The following SMG6 variants were observed in gnomAD, a reference collection of about 807,000 sequenced individuals.
SMG6 encodes the protein SMG6 nonsense mediated mRNA decay factor.
Under a neutral mutation model 142.2 loss-of-function variants are expected in SMG6, and 66 were observed. That is an observed-to-expected ratio of 0.46 (90% CI 0.38 to 0.57). The LOEUF is 0.57. Ranked by LOEUF, SMG6 falls within the 20% of genes least tolerant of loss-of-function variation. The probability of loss-of-function intolerance (pLI) is 0.00; values close to 1 mark genes in which losing one functional copy is unlikely to be tolerated. For missense variants in SMG6, 1,793 were observed against 1,832.0 expected (o/e 0.98, Z 0.39); for synonymous variants, 779 against 702.4 (o/e 1.11, Z -1.72).
At chr17:2,132,461 G>A (rs1372157959) in intron 13 of SMG6, among the ~76,000 whole-genome samples, 1 of 152,206 alleles carries the variant, frequency 6.6e-6, no homozygotes, top group East Asian at 1.9e-4. Context: ...CTATGGGGAA[G>A]CGGTGTGGGA....
rs552660183 is a variant in SMG6, at chr17:2,206,875, G to A, written c.2870-18360C>T. ...TACACTCCAGCCTGGGCAACAGAGTGAGACACCTTCTCAAATAATAATAAT... is the reference window on the plus strand; with the variant it reads ...TACACTCCAGCCTGGGCAACAGAGTAAGACACCTTCTCAAATAATAATAAT... On this transcript the variant is annotated intron_variant, in intron 10 of 18. Transcript: ENST00000263073. Among the ~76,000 whole-genome samples the A allele has an allele frequency of 1.1e-4, 17 of 150,620 alleles. No homozygotes were observed. In the East Asian group the frequency reaches 3.4e-3, roughly 30 times the overall value.
At position 2,065,584 on chromosome 17, in the gene SMG6, T is replaced by C. The variant is rs2067918725; in HGVS notation, c.3931A>G (p.Ile1311Val). The C allele has an allele frequency of 5.0e-6, 8 of 1,614,012 alleles. No individual in the cohort carries two copies. In the Admixed American group the frequency reaches 8.3e-5, roughly 17 times the overall value. Residue 1311 changes from isoleucine (I) to valine (V), a missense_variant, in exon 17 of 19, where the codon ATC becomes GTC. Ile to Val is a conservative substitution (Grantham distance 29). This residue lies in a region of SMG6 where 179 missense variants were observed against 212.6 expected (regional missense o/e 0.84). Coordinates refer to ENST00000263073, the MANE Select transcript of SMG6 (RefSeq NM_017575.5). The part of the protein sequence containing the change: ...RVVQEKARKS[I>V]EFLEQRFESR... ...TCGAATCGCTGCTCGAGGAACTCGA[T>C]GGACTTGCGGGCCTTCTCTTGTACC...
chr17:2,141,274 T>C (rs2070471975), intron 13 of SMG6, among the ~76,000 whole-genome samples: 1 of 152,226 alleles, frequency 6.6e-6, no homozygotes, highest in East Asian at 1.9e-4. Context: ...CAAGAATCTA[T>C]TTGATTGCAC....
At chr17:2,283,588 T>C in intron 7 of SMG6, 37 bp downstream of exon 7, 2 of 1,515,638 alleles carry the variant, frequency 1.3e-6, no homozygotes, top group East Asian at 2.3e-5. Flanking sequence ...AAATGCACTA[T>C]TCGAGGAAGG....
intron 10 of SMG6, among the ~76,000 whole-genome samples, chr17:2,193,984 T>C (rs577196487): frequency 6.6e-6 from 1 of 152,238 alleles, no homozygotes; most frequent in East Asian, 1.9e-4. Flanking sequence ...GCACGCACAG[T>C]TTCACCATGT....
intron 8 of SMG6, 118 bp downstream of exon 8, chr17:2,282,529 C>G: frequency 2.1e-6 from 2 of 931,270 alleles, no homozygotes; most frequent in Admixed American, 1.9e-5. Flanking sequence ...CAGGGAGCCT[C>G]AAGTGGTTTG....
intron 12 of SMG6, among the ~76,000 whole-genome samples, chr17:2,182,843 C>T (rs946572592): frequency 6.9e-6 from 1 of 145,292 alleles, no homozygotes; most frequent in Admixed American, 7.2e-5. Context: ...GAAGACCACA[C>T]TGAGAGAATG....
At chr17:2,281,814 A>G (rs1438133313) in intron 8 of SMG6, among the ~76,000 whole-genome samples, 1 of 152,184 alleles carries the variant, frequency 6.6e-6, no homozygotes, top group Non-Finnish European at 1.5e-5. Context: ...CAGCCACTGC[A>G]GTTTTCCACC....
chr17:2,127,810 A>G, intron 13 of SMG6: 1 of 550,408 alleles, frequency 1.8e-6, no homozygotes, highest in Non-Finnish European at 3.6e-6. Context: ...CAAAGTAATC[A>G]TATCGTTTTT....
chr17:2,303,285 G>C, intron 1 of SMG6: 1 of 1,085,532 alleles, frequency 9.2e-7, no homozygotes, highest in Non-Finnish European at 1.1e-6. Context: ...GATACGCCCG[G>C]GGCCTCCACC....
chr17:2,267,665 C>T (rs2074450765), intron 8 of SMG6, among the ~76,000 whole-genome samples: 1 of 151,882 alleles, frequency 6.6e-6, no homozygotes, highest in South Asian at 2.1e-4. Flanking sequence ...TAAATCAGTG[C>T]TTGTGCTATC....
intron 3 of SMG6, 142 bp from the exon 4 acceptor site, chr17:2,297,495 G>C (rs2075168723): frequency 3.1e-6 from 2 of 641,216 alleles, no homozygotes; most frequent in African/African-American, 1.8e-5. Context: ...ATATTCACTG[G>C]CCACCAATTT....
At position 2,085,027 on chromosome 17, in the gene SMG6, A is replaced by G. The variant is rs544542315; in HGVS notation, c.3534+698T>C. ...CAGACCCACATCAACAATCACTCCC[A>G]GAAAGACACAAATAGGCAATGGCAA... On this transcript the variant is annotated intron_variant, in intron 14 of 18. Coordinates refer to ENST00000263073, the MANE Select transcript of SMG6 (RefSeq NM_017575.5). This position sits in a 1 kb window ranked among gnomAD's most constrained non-coding sequence, Gnocchi z 4.1. 3.9e-5 allele frequency among the ~76,000 whole-genome samples: 6 copies of G among 152,246 alleles called. No homozygotes were observed. The highest frequency in any genetic ancestry group is 6.5e-5 in the Admixed American group (1 of 15,288).
In SMG6 at chr17:2,227,808, C is replaced by T. The variant is rs376769121; in HGVS notation, c.2869+8684G>A. Among the ~76,000 whole-genome samples the T allele has an allele frequency of 2.0e-5, 3 of 152,218 alleles. No individual in the cohort carries two copies. The East Asian group carries it at 5.8e-4, about 29-fold the overall frequency. On this transcript the variant is annotated intron_variant, in intron 10 of 18. Coordinates refer to ENST00000263073, the MANE Select transcript of SMG6 (RefSeq NM_017575.5). Reference sequence around the variant, plus strand: ...CTCAAGGTACCAATAACTGCAGTAACCATCAATAGACTCAATGCTTATAAT... The same window carrying T: ...CTCAAGGTACCAATAACTGCAGTAATCATCAATAGACTCAATGCTTATAAT...
At chr17:2,100,694 C>G (rs904688169) in intron 13 of SMG6, among the ~76,000 whole-genome samples, 2 of 152,110 alleles carry the variant, frequency 1.3e-5, no homozygotes, top group African/African-American at 4.8e-5. Context: ...CAGGCGCACA[C>G]CATCACATCC....
chr17:2,105,877 T>G (rs188898112), intron 13 of SMG6, among the ~76,000 whole-genome samples: 8 of 152,218 alleles, frequency 5.3e-5, no homozygotes, highest in Non-Finnish European at 1.0e-4. Context: ...GGGTAACCTC[T>G]GAAAGTTGTC....
intron 13 of SMG6, among the ~76,000 whole-genome samples, chr17:2,128,817 C>CA (rs367580981): frequency 0.14 from 10,338 of 72,890 alleles, 657 homozygotes; most frequent in Non-Finnish European, 0.17. Flanking sequence ...GAGCAAGACT[C>CA]AAAAAAAAAA....
intron 11 of SMG6, 26 bp from the exon 12 acceptor site, chr17:2,186,857 G>A: frequency 1.9e-6 from 3 of 1,610,966 alleles, no homozygotes; most frequent in Non-Finnish European, 8.5e-7. Flanking sequence ...GTGAGAACTG[G>A]GCCTATGTCT....
chr17:2,102,271 ATAAT>A (rs1287507389), intron 13 of SMG6, among the ~76,000 whole-genome samples: 1 of 152,230 alleles, frequency 6.6e-6, no homozygotes, highest in African/African-American at 2.4e-5. Flanking sequence ...ACAATGTATA[ATAAT>A]TAAACCCAGC....
Sources: gnomAD v4.1 joint callset for allele counts (sites outside exome capture counted in the v4.1 genomes callset) on GRCh38, gnomAD v4.1.1 for gene constraint, gnomAD v4.1.1 regional missense constraint, Gnocchi (gnomAD v3.1) non-coding constraint, MANE v1.5 for transcripts, NCBI Gene and HGNC (gene_info 2026-07-23, HGNC 2026-07-21) for gene names.